The following ADGRG6 variants were observed in gnomAD, a reference collection of about 807,000 sequenced individuals.
ADGRG6 encodes the protein adhesion G protein-coupled receptor G6.
In ADGRG6, 84 loss-of-function variants were observed where a neutral mutation model predicts 142.4. The ratio of observed to expected loss-of-function variants is 0.59; its 90% CI spans 0.49 to 0.71. The LOEUF is 0.71. Ranked by LOEUF, ADGRG6 falls within the 30% of genes least tolerant of loss-of-function variation. The pLI is 0.00. For synonymous variants in ADGRG6, 521 were observed against 520.5 expected (o/e 1.00, Z -0.01); for missense variants, 1,367 against 1,466.6 (o/e 0.93, Z 1.11).
At position 142,403,895 on chromosome 6, in the gene ADGRG6, A is replaced by G. The variant is rs201265247; in HGVS notation, c.2049A>G (p.Val683=). The change falls in exon 14 of 25, where the codon GTA becomes GTG. Residue 683 remains valine, a synonymous_variant. Coordinates refer to ENST00000367609, the MANE Select transcript of ADGRG6 (RefSeq NM_198569.3). ...NITTRNLALS[V]SSLLPGTNAI... Reference sequence around the variant, plus strand: ...CAACTCGGAACTTGGCTCTCAGCGTATCATCCCTGTTACCAGGGACAAATG... The same window carrying G: ...CAACTCGGAACTTGGCTCTCAGCGTGTCATCCCTGTTACCAGGGACAAATG... 120 of 1,606,332 alleles carry G rather than the reference A, an allele frequency of 7.5e-5. 1 individual carries two copies. In the Admixed American group the frequency reaches 1.4e-3, roughly 18 times the overall value.
In ADGRG6 at chr6:142,443,363, T is replaced by C. The variant is rs188113052; in HGVS notation, c.3601T>C (p.Ser1201Pro). ...CAGTGCTTCCATGGACAAGTCCTTG[T>C]CAAAACTGGCCCATGCTGATGGAGA... The part of the protein sequence containing the change: ...TDSASMDKSL[S>P]KLAHADGDQT... Residue 1201 changes from serine to proline, a missense_variant, in exon 25 of 25, where the codon TCA becomes CCA. Ser to Pro is a moderately conservative substitution (Grantham distance 74). Coordinates refer to ENST00000367609, the MANE Select transcript of ADGRG6 (RefSeq NM_198569.3). 8.0e-4 allele frequency: 1,296 copies of C among 1,612,036 alleles called. 6 individuals are homozygous for C. The African/African-American group carries it at 0.014, about 18-fold the overall frequency.
At chr6:142,338,327 A>G (rs1779450898) in intron 2 of ADGRG6, among the ~76,000 whole-genome samples, 1 of 151,790 alleles carries the variant, frequency 6.6e-6, no homozygotes, top group Admixed American at 6.6e-5. Flanking sequence ...TATCTTTGAT[A>G]GTGTATTGAA....
rs1380440764 is a variant in ADGRG6, at chr6:142,387,847, A to G, written c.1223-2411A>G. ...TCTACATGCTGAAAGAAGTATCTAA[A>G]TGGAAAATGGATATATTCTTAAATC... On this transcript the variant is annotated intron_variant, in intron 6 of 24. Coordinates refer to ENST00000367609, the MANE Select transcript of ADGRG6 (RefSeq NM_198569.3). Among the ~76,000 whole-genome samples, 3 of 152,196 alleles carry G rather than the reference A, an allele frequency of 2.0e-5. No individual in the cohort carries two copies. In the East Asian group the frequency reaches 5.8e-4, roughly 29 times the overall value.
At position 142,445,671 on chromosome 6, in the gene ADGRG6, G is replaced by T. The variant is rs1183755489; in HGVS notation, c.*2156G>T. 6.6e-6 allele frequency: 1 copy of T among 152,110 alleles called. No homozygotes were observed. The highest frequency in any genetic ancestry group is 6.6e-5 in the Admixed American group (1 of 15,248). 9.4% of individuals were successfully genotyped at this position (152,110 alleles called of 1,614,324 possible). A position where few individuals can be genotyped will look rare whatever the true frequency, so the allele number is the denominator to read the frequency against. On this transcript the variant is annotated 3_prime_UTR_variant, in exon 25 of 25. Coordinates refer to ENST00000367609, the MANE Select transcript of ADGRG6 (RefSeq NM_198569.3). ...TGCTCAAGGGAAACATTTGTAAATG[G>T]ATTTGAAAGATTGAGCCAAATTCTG...
intron 1 of ADGRG6, among the ~76,000 whole-genome samples, chr6:142,309,086 A>T (rs2114509618): frequency 6.6e-6 from 1 of 151,960 alleles, no homozygotes; most frequent in Admixed American, 6.6e-5. Context: ...TTTATGTTAA[A>T]TATTTCCGTT....
chr6:142,433,874 A>T (rs977094393), intron 22 of ADGRG6, among the ~76,000 whole-genome samples: 23 of 152,144 alleles, frequency 1.5e-4, no homozygotes, highest in African/African-American at 4.3e-4. Context: ...TGGGCAACAT[A>T]GTGAGACCCC....
chr6:142,381,806 A>G (rs912221262), intron 4 of ADGRG6, 145 bp from the exon 5 acceptor site: 3 of 475,096 alleles, frequency 6.3e-6, no homozygotes, highest in Non-Finnish European at 1.1e-5. Context: ...ATTAAGGCAC[A>G]GTGGCCTTAA....
At chr6:142,389,409 T>C (rs1358940672) in intron 6 of ADGRG6, among the ~76,000 whole-genome samples, 1 of 151,966 alleles carries the variant, frequency 6.6e-6, no homozygotes, top group Non-Finnish European at 1.5e-5. Context: ...AAAAATTTTC[T>C]TCTCTCTGTA....
At position 142,367,801 on chromosome 6, in the gene ADGRG6, A is replaced by G; in HGVS notation, c.336A>G (p.Gly112=). ...GAGAGAGCCAGACTAAATTTTGTGG[A>G]GCAACTGCCAAAGGCCTATCATTTA... is the stretch of plus-strand genomic sequence containing the variant. ...DNGESQTKFC[G]ATAKGLSFNS... Residue 112 remains glycine (G), a synonymous_variant, in exon 3 of 25, where the codon GGA becomes GGG. Coordinates refer to ENST00000367609, the MANE Select transcript of ADGRG6 (RefSeq NM_198569.3). The G allele has an allele frequency of 1.2e-6, 2 of 1,613,724 alleles. No individual in the cohort carries two copies. Among genetic ancestry groups the G allele is most frequent in the South Asian group, 2.2e-5 (2 of 91,078 alleles).
At position 142,342,682 on chromosome 6, in the gene ADGRG6, A is replaced by G. The variant is rs934606620; in HGVS notation, c.104-24887A>G. On this transcript the variant is annotated intron_variant, in intron 2 of 24. Transcript: ENST00000367609. ...AGCTTTTTAAAACTTTGCTAACCTT[A>G]TAAGATATTTAAAAAATTACCAAAA... 2.6e-5 allele frequency among the ~76,000 whole-genome samples: 4 copies of G among 151,998 alleles called. No individual in the cohort carries two copies. In the East Asian group the frequency reaches 7.7e-4, roughly 29 times the overall value.
At chr6:142,367,087 G>T (rs75333096) in intron 2 of ADGRG6, among the ~76,000 whole-genome samples, 2,107 of 152,140 alleles carry the variant, frequency 0.014, 59 homozygotes, top group African/African-American at 0.048. Context: ...TTTTCTAAGA[G>T]TTTCTCTTCC....
At chr6:142,438,068 T>G (rs1323971933) in intron 23 of ADGRG6, 144 bp from the exon 24 acceptor site, 1 of 551,308 alleles carries the variant, frequency 1.8e-6, no homozygotes, top group Non-Finnish European at 3.2e-6. Context: ...CTCTTATTGT[T>G]TACATGTCAG....
At chr6:142,357,423 CATT>C (rs1780500141) in intron 2 of ADGRG6, among the ~76,000 whole-genome samples, 1 of 151,928 alleles carries the variant, frequency 6.6e-6, no homozygotes, top group Non-Finnish European at 1.5e-5. Context: ...CTTAAAAAAA[CATT>C]ATTTAAAAAA....
intron 3 of ADGRG6, among the ~76,000 whole-genome samples, 200 bp downstream of exon 3, chr6:142,368,110 A>C (rs1781043300): frequency 6.6e-6 from 1 of 152,256 alleles, no homozygotes; most frequent in South Asian, 2.1e-4. Flanking sequence ...ATGTGGTTAC[A>C]GTAGAGTTGA....
intron 7 of ADGRG6, 103 bp from the exon 8 acceptor site, chr6:142,392,845 C>A: frequency 1.4e-6 from 1 of 737,120 alleles, no homozygotes; most frequent in Non-Finnish European, 2.4e-6. Context: ...AGGATTTTCC[C>A]AGGGTCTTAT....
intron 7 of ADGRG6, among the ~76,000 whole-genome samples, chr6:142,392,220 C>T (rs148956205): frequency 9.8e-4 from 149 of 151,910 alleles, no homozygotes; most frequent in African/African-American, 3.1e-3. Context: ...AATCACTATT[C>T]GGAGATGATA....
chr6:142,381,998 G>T lies in ADGRG6; in HGVS notation c.1117G>T (p.Asp373Tyr), dbSNP rs781011121. 1 of 1,605,358 alleles carries T rather than the reference G, an allele frequency of 6.2e-7. No individual in the cohort carries two copies. The highest frequency in any genetic ancestry group is 2.2e-5 in the East Asian group (1 of 44,596). ...LPAAELASCA[D>Y]LGTLCQATVN... Reference sequence around the variant, plus strand: ...AGCAGCAGAACTGGCCAGCTGTGCAGACCTGGGGACCCTCTGTCAAGGTAG... The same window carrying T: ...AGCAGCAGAACTGGCCAGCTGTGCATACCTGGGGACCCTCTGTCAAGGTAG... The change falls in exon 5 of 25, where the codon GAC (aspartate) becomes TAC (tyrosine). Residue 373 changes from aspartate (D) to tyrosine (Y), a missense_variant. By Grantham distance (160) the Asp-to-Tyr change is radical (BLOSUM62 -3). Coordinates refer to ENST00000367609, the MANE Select transcript of ADGRG6 (RefSeq NM_198569.3).
intron 2 of ADGRG6, among the ~76,000 whole-genome samples, chr6:142,335,483 G>C (rs1779267545): frequency 6.6e-6 from 1 of 152,166 alleles, no homozygotes; most frequent in South Asian, 2.1e-4. Flanking sequence ...TTCCTGGGAG[G>C]ACAGAGCTGC....
intron 4 of ADGRG6, among the ~76,000 whole-genome samples, chr6:142,375,010 T>C (rs1781434853): frequency 6.6e-6 from 1 of 152,172 alleles, no homozygotes; most frequent in Non-Finnish European, 1.5e-5. Context: ...CTTGAATGTA[T>C]TTCTCCAGTC....
Sources: allele counts gnomAD v4.1 joint callset (sites outside exome capture counted in the v4.1 genomes callset), GRCh38; gene constraint gnomAD v4.1.1; transcripts MANE v1.5; gene names NCBI Gene and HGNC (gene_info 2026-07-23, HGNC 2026-07-21).